HLTF: variants seen among roughly 807,000 people sequenced by gnomAD.
HLTF encodes the protein DNA-dependent ATPase/E3 ubiquitin-protein ligase HLTF.
Under a neutral mutation model 129.4 loss-of-function variants are expected in HLTF, and 127 were observed. The observed-to-expected ratio is 0.98, with a 90% CI of 0.85 to 1.14. The LOEUF (loss-of-function observed/expected upper bound fraction) is 1.14. Ranked by LOEUF, HLTF falls within the 50% of genes most tolerant of loss-of-function variation. HLTF has a pLI of 0.00. For synonymous variants in HLTF, 332 were observed against 388.8 expected (o/e 0.85, Z 1.72); for missense variants, 1,139 against 1,187.1 (o/e 0.96, Z 0.60).
chr3:149,038,057 G>A (rs1244675496), intron 23 of HLTF, among the ~76,000 whole-genome samples: 3 of 152,186 alleles, frequency 2.0e-5, no homozygotes, highest in Non-Finnish European at 4.4e-5. Flanking sequence ...TTCTCAAATT[G>A]TGATCCTAGA....
At chr3:149,032,698 C>T (rs1252516268) in intron 24 of HLTF, among the ~76,000 whole-genome samples, 2 of 152,178 alleles carry the variant, frequency 1.3e-5, no homozygotes, top group Admixed American at 6.5e-5. Flanking sequence ...CACGGTGGCT[C>T]ACACCTGTAA....
chr3:149,046,434 A>G (rs1716555000), intron 17 of HLTF, among the ~76,000 whole-genome samples, 175 bp from the exon 18 acceptor site: 2 of 152,174 alleles, frequency 1.3e-5, no homozygotes, highest in African/African-American at 4.8e-5. Flanking sequence ...TATTCTACAA[A>G]AATAAAATTA....
At chr3:149,036,548 C>T (rs986664589) in intron 23 of HLTF, among the ~76,000 whole-genome samples, 1 of 151,960 alleles carries the variant, frequency 6.6e-6, no homozygotes, top group Non-Finnish European at 1.5e-5. Context: ...CGGCCTCCCA[C>T]AAAGTGCTGG....
chr3:149,064,540 T>TC (rs1242978146), intron 9 of HLTF, among the ~76,000 whole-genome samples: 2 of 152,176 alleles, frequency 1.3e-5, no homozygotes, highest in Non-Finnish European at 2.9e-5. Flanking sequence ...AGATTTTTTT[T>TC]CACAACCCAA....
intron 2 of HLTF, among the ~76,000 whole-genome samples, chr3:149,076,364 T>G (rs913654969): frequency 1.3e-5 from 2 of 152,200 alleles, no homozygotes; most frequent in Non-Finnish European, 1.5e-5. Context: ...CAACCCTTAT[T>G]GAGCGCTTAC....
At chr3:149,041,758 T>C (rs1716153217) in intron 19 of HLTF, 90 bp from the exon 20 acceptor site, 1 of 869,572 alleles carries the variant, frequency 1.1e-6, no homozygotes, top group Non-Finnish European at 1.8e-6. Flanking sequence ...CGCTTGCCAG[T>C]AGGGAAAGTC....
chr3:149,047,557 G>A (rs149616951), intron 17 of HLTF, among the ~76,000 whole-genome samples: 131 of 152,238 alleles, frequency 8.6e-4, no homozygotes, highest in Middle Eastern at 3.4e-3. Flanking sequence ...CAGGAGAATC[G>A]CTTGAACCCA....
intron 15 of HLTF, 25 bp downstream of exon 15, chr3:149,050,207 T>C (rs759511469): frequency 3.5e-6 from 5 of 1,418,144 alleles, no homozygotes; most frequent in African/African-American, 1.4e-5. Context: ...CTTTAAAAGA[T>C]CTGTTAAGTA....
At chr3:149,052,410 A>C (rs1372529432) in intron 14 of HLTF, among the ~76,000 whole-genome samples, 1 of 152,154 alleles carries the variant, frequency 6.6e-6, no homozygotes, top group Admixed American at 6.5e-5. Flanking sequence ...TAAAAGTTTC[A>C]AGAAAAAAAA....
At chr3:149,080,456 T>C (rs1395453862) in intron 2 of HLTF, among the ~76,000 whole-genome samples, 1 of 152,144 alleles carries the variant, frequency 6.6e-6, no homozygotes, top group Non-Finnish European at 1.5e-5. Context: ...AACAGAGTAT[T>C]AGACAGATAT....
At position 149,060,669 on chromosome 3, in the gene HLTF, T is replaced by C; in HGVS notation, c.1259A>G (p.Gln420Arg). 6.2e-7 allele frequency: 1 copy of C among 1,613,324 alleles called. No homozygotes were observed. The highest frequency in any genetic ancestry group is 8.5e-7 in the Non-Finnish European group (1 of 1,179,488). ...QKMKGKLKNVQSETKGRAKAG... is the reference protein window; with the variant it reads ...QKMKGKLKNVRSETKGRAKAG... ...TTTCGCCCTGCCTTTAGTTTCAGAC[T>C]GTACATTTTTCAGTTTGCCTAAAAA... The change falls in exon 12 of 25, where the codon CAG becomes CGG. Residue 420 changes from glutamine to arginine, a missense_variant. Gln to Arg is a conservative substitution (Grantham distance 43). Transcript: ENST00000310053.
At chr3:149,052,201 C>T (rs1424127359) in intron 14 of HLTF, 2 of 143,566 alleles carry the variant, frequency 1.4e-5, no homozygotes, top group African/African-American at 2.6e-5. Flanking sequence ...AAGGAAAGCA[C>T]ATGTGTCAGA....
At chr3:149,078,616 GGGAGGCCGAGGTGGGCGGATC>G in intron 2 of HLTF, among the ~76,000 whole-genome samples, 1 of 152,210 alleles carries the variant, frequency 6.6e-6, no homozygotes, top group Middle Eastern at 3.4e-3. Flanking sequence ...CCAGCACTTT[GGGAGGCCGAGGTGGGCGGATC>G]ACGAGGTCAG....
chr3:149,084,637 C>A, intron 2 of HLTF, 45 bp downstream of exon 2: 1 of 1,357,854 alleles, frequency 7.4e-7, no homozygotes, highest in Non-Finnish European at 1.0e-6. Context: ...TCTAGGTTAA[C>A]GCCAGAAATA....
chr3:149,055,518 G>C lies in HLTF; in HGVS notation c.1376-118C>G, dbSNP rs1717360058. The C allele has an allele frequency of 5.8e-6, 4 of 684,738 alleles. No individual in the cohort carries two copies. The Admixed American group carries it at 1.1e-4, about 19-fold the overall frequency. The allele number at this position is 684,738 out of a possible 1,614,324, so 42.4% of individuals were successfully genotyped here. Reference sequence around the variant, plus strand: ...ATAAATTAGGAACAATTAAAATGAAGCAGATGGACTTTTAACAGGGAATAA... The same window carrying C: ...ATAAATTAGGAACAATTAAAATGAACCAGATGGACTTTTAACAGGGAATAA... On this transcript the variant is annotated intron_variant, in intron 13 of 24. Transcript: ENST00000310053.
intron 2 of HLTF, among the ~76,000 whole-genome samples, chr3:149,077,502 A>C (rs761928482): frequency 2.6e-5 from 4 of 152,034 alleles, no homozygotes; most frequent in Non-Finnish European, 4.4e-5. Flanking sequence ...TTGTCAAAAC[A>C]ATTTTACAGG....
Position 149,041,488 on chromosome 3 carries a change from A to C in HLTF, c.2376+2T>G, listed in dbSNP as rs1559857052. The C allele has an allele frequency of 6.2e-7, 1 of 1,610,800 alleles. No individual in the cohort carries two copies. The highest frequency in any genetic ancestry group is 8.5e-7 in the Non-Finnish European group (1 of 1,177,752). On this transcript the variant is annotated splice_donor_variant, in intron 20 of 24. Transcript: ENST00000310053. LOFTEE classifies it high-confidence loss of function. The stretch of plus-strand genomic sequence containing the variant: ...TGAACCTGTACTGAGCAAAAAACTA[A>C]CCTGCTCATTCTGAATGACTTGGCA...
chr3:149,034,546 T>C (rs1715406189), intron 24 of HLTF, among the ~76,000 whole-genome samples: 2 of 152,178 alleles, frequency 1.3e-5, no homozygotes, highest in South Asian at 4.1e-4. Flanking sequence ...ACTTAATGCA[T>C]CTAAACTGTA....
In HLTF at chr3:149,086,483, G is replaced by T; in HGVS notation, c.-147C>A. 1 of 805,456 alleles carries T rather than the reference G, an allele frequency of 1.2e-6. No homozygotes were observed. Among genetic ancestry groups the T allele is most frequent in the Non-Finnish European group, 2.0e-6 (1 of 502,022 alleles). 49.9% of individuals were successfully genotyped at this position (805,456 alleles called of 1,614,324 possible). A position where few individuals can be genotyped will look rare whatever the true frequency, so the allele number is the denominator to read the frequency against. ...TCAGGAGCGCACGACTGAAAGGTAA[G>T]TCGCCGCGAGTCCAGTCAGACGTCG... On this transcript the variant is annotated 5_prime_UTR_variant, in exon 1 of 25. Transcript: ENST00000310053.
Sources: allele counts gnomAD v4.1 joint callset (sites outside exome capture counted in the v4.1 genomes callset), GRCh38; gene constraint gnomAD v4.1.1; transcripts MANE v1.5; gene names NCBI Gene and HGNC (gene_info 2026-07-23, HGNC 2026-07-21).